The following DCAF8L2 variants were observed in gnomAD, a reference collection of about 807,000 sequenced individuals.
DCAF8L2 encodes the protein DDB1 and CUL4 associated factor 8 like 2.
For missense variants in DCAF8L2, 430 were observed against 490.7 expected (o/e 0.88, Z 1.17); for synonymous variants, 200 against 190.9 (o/e 1.05, Z -0.39).
the DCAF8L2 span, among the ~76,000 whole-genome samples, chrX:27,483,241 C>G: frequency 9.0e-6 from 1 of 111,401 alleles, no homozygotes; most frequent in Non-Finnish European, 1.9e-5. Flanking sequence ...ACTGCCCAAC[C>G]ATCTCTATGC....
chrX:27,651,497 T>G (rs2147200152), intron 2 of DCAF8L2, among the ~76,000 whole-genome samples: 1 of 108,043 alleles, frequency 9.3e-6, no homozygotes, highest in South Asian at 4.0e-4. Context: ...AATGAAAAAG[T>G]AGATAACCTT....
chrX:27,727,844 T>G (rs1235870338), intron 4 of DCAF8L2, among the ~76,000 whole-genome samples: 1 of 111,925 alleles, frequency 8.9e-6, no homozygotes, highest in Non-Finnish European at 1.9e-5. Flanking sequence ...TTTCCTTCAG[T>G]TATAGTTTTC....
chrX:27,691,780 T>C (rs866450674), intron 3 of DCAF8L2, among the ~76,000 whole-genome samples: 10 of 111,982 alleles, frequency 8.9e-5, no homozygotes, highest in Admixed American at 7.6e-4. Context: ...ACACTAAGAT[T>C]GTCAAAATTT....
At chrX:27,662,640 C>G (rs961594642) in intron 2 of DCAF8L2, among the ~76,000 whole-genome samples, 1 of 111,741 alleles carries the variant, frequency 8.9e-6, no homozygotes, top group Non-Finnish European at 1.9e-5. Flanking sequence ...TTTTACATAT[C>G]TCTTCGTGCA....
the DCAF8L2 span, among the ~76,000 whole-genome samples, chrX:27,577,054 T>C: frequency 3.9e-4 from 44 of 111,947 alleles, no homozygotes; most frequent in Non-Finnish European, 7.7e-4. Context: ...TGATCAGACG[T>C]AGGGATGTTG....
intron 2 of DCAF8L2, among the ~76,000 whole-genome samples, chrX:27,649,864 A>G (rs1356909464): frequency 1.8e-5 from 2 of 111,747 alleles, no homozygotes; most frequent in Non-Finnish European, 3.8e-5. Flanking sequence ...ACTTAGTCAT[A>G]TATTCTTTCC....
At chrX:27,728,923 T>C (rs1426160538) in intron 4 of DCAF8L2, among the ~76,000 whole-genome samples, 1 of 111,962 alleles carries the variant, frequency 8.9e-6, no homozygotes, top group Non-Finnish European at 1.9e-5. Context: ...CTCACTCTTG[T>C]ATCCATAGTG....
At chrX:27,585,941 A>C (rs1322454350), upstream of DCAF8L2, among the ~76,000 whole-genome samples, 1 of 111,882 alleles carries the variant, frequency 8.9e-6, no homozygotes, top group African/African-American at 3.2e-5. Flanking sequence ...TCTTCATGTG[A>C]CATGAAAGGC....
At chrX:27,592,055 C>T (rs947771804) in intron 1 of DCAF8L2, among the ~76,000 whole-genome samples, 5 of 112,715 alleles carry the variant, frequency 4.4e-5, no homozygotes, top group East Asian at 2.8e-4. Flanking sequence ...CACCACCCAC[C>T]GGGTCCCCTC....
At chrX:27,481,300 C>A in the DCAF8L2 span, among the ~76,000 whole-genome samples, 1 of 110,549 alleles carries the variant, frequency 9.0e-6, no homozygotes, top group South Asian at 3.9e-4. Flanking sequence ...ATCACTTGAA[C>A]CTAGGGGATG....
intron 4 of DCAF8L2, among the ~76,000 whole-genome samples, chrX:27,735,970 T>C (rs777575095): frequency 8.9e-6 from 1 of 111,783 alleles, no homozygotes; most frequent in African/African-American, 3.2e-5. Context: ...TATTAAAGTA[T>C]TGAAAACAAA....
At chrX:27,634,326 C>T (rs1022903806) in intron 2 of DCAF8L2, among the ~76,000 whole-genome samples, 2 of 111,817 alleles carry the variant, frequency 1.8e-5, no homozygotes, top group Non-Finnish European at 3.8e-5. Context: ...CTTTCACCTG[C>T]ATCTGCCTGG....
At chrX:27,653,111 G>A (rs908212253) in intron 2 of DCAF8L2, among the ~76,000 whole-genome samples, 6 of 111,634 alleles carry the variant, frequency 5.4e-5, no homozygotes, top group African/African-American at 2.0e-4. Flanking sequence ...ATATTTGATG[G>A]GATGCACTGC....
chrX:27,602,660 A>G (rs1208328539), intron 1 of DCAF8L2, among the ~76,000 whole-genome samples: 1 of 111,799 alleles, frequency 8.9e-6, no homozygotes, highest in Non-Finnish European at 1.9e-5. Context: ...TAGATATACA[A>G]TTTATAAATT....
chrX:27,511,414 A>G, the DCAF8L2 span, among the ~76,000 whole-genome samples: 1 of 111,651 alleles, frequency 9.0e-6, no homozygotes, highest in Non-Finnish European at 1.9e-5. Flanking sequence ...TCCAAGCATT[A>G]GAGGAACAGA....
At chrX:27,612,976 AT>A (rs1391704513) in intron 1 of DCAF8L2, among the ~76,000 whole-genome samples, 1 of 111,375 alleles carries the variant, frequency 9.0e-6, no homozygotes, top group African/African-American at 3.3e-5. Context: ...TTTTTTTCCA[AT>A]TTGGTCAAGA....
intron 1 of DCAF8L2, among the ~76,000 whole-genome samples, chrX:27,618,464 G>A (rs1314673774): frequency 9.0e-6 from 1 of 111,720 alleles, no homozygotes; most frequent in African/African-American, 3.2e-5. Flanking sequence ...ATGAAAATGA[G>A]AAAACGTTCA....
the DCAF8L2 span, among the ~76,000 whole-genome samples, chrX:27,478,732 T>A: frequency 8.9e-6 from 1 of 112,331 alleles, no homozygotes; most frequent in Non-Finnish European, 1.9e-5. Flanking sequence ...TAAGTGATAT[T>A]TTACATTTTT....
At chrX:27,669,115 G>A (rs949878259) in intron 2 of DCAF8L2, among the ~76,000 whole-genome samples, 2 of 111,353 alleles carry the variant, frequency 1.8e-5, no homozygotes, top group Non-Finnish European at 3.8e-5. Flanking sequence ...AAACAAGATC[G>A]TAGGAGAAAT....
Sources: gnomAD v4.1 joint callset for allele counts (sites outside exome capture counted in the v4.1 genomes callset) on GRCh38, gnomAD v4.1.1 for gene constraint, MANE v1.5 for transcripts, NCBI Gene and HGNC (gene_info 2026-07-23, HGNC 2026-07-21) for gene names.